FRMD4A: variants seen among roughly 807,000 people sequenced by gnomAD.
FRMD4A encodes FERM domain-containing protein 4A.
In FRMD4A, 29 loss-of-function variants were observed where a neutral mutation model predicts 129.1. That is an observed-to-expected ratio of 0.22 (90% confidence interval 0.17 to 0.31). The LOEUF is 0.31. Ranked by LOEUF, FRMD4A falls within the 10% of genes least tolerant of loss-of-function variation. The probability of loss-of-function intolerance (pLI) is 1.00; values close to 1 mark genes in which losing one functional copy is unlikely to be tolerated. For missense variants in FRMD4A, 1,272 were observed against 1,375.8 expected (o/e 0.92, Z 1.19); for synonymous variants, 634 against 571.6 (o/e 1.11, Z -1.56).
chr10:14,200,152 C>T (rs75483848), intron 2 of FRMD4A, among the ~76,000 whole-genome samples: 3,593 of 149,934 alleles, frequency 0.024, 168 homozygotes, highest in East Asian at 0.1. Context: ...CTCAGCTTCC[C>T]GCAGTGTTGG....
At chr10:14,091,119 A>G (rs1836636370) in intron 2 of FRMD4A, among the ~76,000 whole-genome samples, 1 of 152,248 alleles carries the variant, frequency 6.6e-6, no homozygotes, top group Non-Finnish European at 1.5e-5. Flanking sequence ...AGATGGAAGA[A>G]TGTTCAGATT....
At chr10:13,972,537 G>GT (rs921503106) in intron 2 of FRMD4A, among the ~76,000 whole-genome samples, 38 of 148,122 alleles carry the variant, frequency 2.6e-4, no homozygotes, top group African/African-American at 5.7e-4. Flanking sequence ...AACCTATCCC[G>GT]TTTTTTTTTT....
intron 2 of FRMD4A, among the ~76,000 whole-genome samples, chr10:14,254,354 T>C (rs970538719): frequency 2.6e-5 from 4 of 152,216 alleles, no homozygotes; most frequent in African/African-American, 9.7e-5. Flanking sequence ...CCATACTCTC[T>C]ACGAGTAATT....
intron 3 of FRMD4A, among the ~76,000 whole-genome samples, chr10:13,833,162 C>T (rs570728646): frequency 1.6e-4 from 24 of 152,162 alleles, no homozygotes; most frequent in Admixed American, 9.2e-4. Context: ...CTCACATTGC[C>T]AATAAAGACA....
intron 4 of FRMD4A, among the ~76,000 whole-genome samples, chr10:13,803,504 C>CA (rs1000847258): frequency 9.8e-5 from 12 of 121,944 alleles, no homozygotes; most frequent in Non-Finnish European, 1.3e-4. Context: ...GCTAATTAAA[C>CA]AAATTTTTTT....
chr10:14,164,239 C>T (rs1263967096), intron 2 of FRMD4A, among the ~76,000 whole-genome samples: 1 of 152,254 alleles, frequency 6.6e-6, no homozygotes, highest in African/African-American at 2.4e-5. Context: ...GCCTCATCTT[C>T]AGGCACAAAA....
At chr10:13,713,634 T>C (rs2088266448) in intron 12 of FRMD4A, among the ~76,000 whole-genome samples, 1 of 151,514 alleles carries the variant, frequency 6.6e-6, no homozygotes, top group Non-Finnish European at 1.5e-5. Context: ...CCGAATCAGA[T>C]GGAATTTAAA....
intron 2 of FRMD4A, among the ~76,000 whole-genome samples, chr10:14,120,592 T>C (rs1382131629): frequency 6.6e-6 from 1 of 152,216 alleles, no homozygotes; most frequent in Admixed American, 6.5e-5. Flanking sequence ...TCCAGAGAAC[T>C]ATGGTAGAGA....
intron 2 of FRMD4A, among the ~76,000 whole-genome samples, chr10:14,019,214 CA>C (rs1272736620): frequency 2.0e-5 from 3 of 148,738 alleles, no homozygotes; most frequent in Non-Finnish European, 4.5e-5. Context: ...AAGAATGTCT[CA>C]AAAAAGAAAA....
intron 2 of FRMD4A, among the ~76,000 whole-genome samples, chr10:13,986,689 G>GAA (rs56326657): frequency 0.046 from 6,408 of 139,904 alleles, 158 homozygotes; most frequent in African/African-American, 0.062. Context: ...TAAATATAAG[G>GAA]AAAAAAAAAA....
At chr10:14,087,819 A>C (rs1283585982) in intron 2 of FRMD4A, among the ~76,000 whole-genome samples, 1 of 152,248 alleles carries the variant, frequency 6.6e-6, no homozygotes, top group African/African-American at 2.4e-5. Context: ...ACTTACAATC[A>C]GTAATTAATC....
chr10:14,268,016 C>A (rs771604487), intron 2 of FRMD4A, among the ~76,000 whole-genome samples: 1 of 152,094 alleles, frequency 6.6e-6, no homozygotes, highest in Non-Finnish European at 1.5e-5. Context: ...TAAAATAATA[C>A]GCCACCTATT....
chr10:14,281,239 G>T (rs1298969729), intron 2 of FRMD4A, among the ~76,000 whole-genome samples: 2 of 152,206 alleles, frequency 1.3e-5, no homozygotes, highest in African/African-American at 4.8e-5. Flanking sequence ...TGATCTGCCA[G>T]CCTTGGCCTC....
chr10:14,005,801 C>A (rs147522630), intron 2 of FRMD4A, among the ~76,000 whole-genome samples: 3 of 152,184 alleles, frequency 2.0e-5, no homozygotes, highest in African/African-American at 7.2e-5. Context: ...AAACTCTCCA[C>A]GCCTTGGTTT....
intron 15 of FRMD4A, among the ~76,000 whole-genome samples, chr10:13,683,523 G>A (rs1158407649): frequency 6.6e-6 from 1 of 152,008 alleles, no homozygotes; most frequent in Non-Finnish European, 1.5e-5. Context: ...CTTGAATCCG[G>A]GAGTTTGAGA....
intron 11 of FRMD4A, 105 bp from the exon 12 acceptor site, chr10:13,738,035 C>T (rs1588495815): frequency 5.7e-6 from 4 of 699,788 alleles, no homozygotes; most frequent in African/African-American, 5.3e-5. Context: ...AGGGCCATTT[C>T]CTTGGAATGG....
chr10:13,678,360 G>A (rs189282771), intron 15 of FRMD4A, among the ~76,000 whole-genome samples: 2 of 152,362 alleles, frequency 1.3e-5, no homozygotes, highest in East Asian at 1.9e-4. Flanking sequence ...CAAAATCACT[G>A]AGCCAGCCTG....
At chr10:14,165,951 G>A (rs1841152571) in intron 2 of FRMD4A, among the ~76,000 whole-genome samples, 1 of 152,084 alleles carries the variant, frequency 6.6e-6, no homozygotes, top group South Asian at 2.1e-4. Flanking sequence ...CCAAACCTTA[G>A]CATCATGCAA....
intron 3 of FRMD4A, among the ~76,000 whole-genome samples, chr10:13,851,649 C>T (rs1007263421): frequency 4.6e-5 from 7 of 152,046 alleles, no homozygotes; most frequent in Non-Finnish European, 1.0e-4. Context: ...CACCTGTAAT[C>T]CCAGCATTTT....
Sources: allele counts gnomAD v4.1 joint callset (sites outside exome capture counted in the v4.1 genomes callset), GRCh38; gene constraint gnomAD v4.1.1; transcripts MANE v1.5; gene names NCBI Gene and HGNC (gene_info 2026-07-23, HGNC 2026-07-21).